MICAL3: variants seen among roughly 807,000 people sequenced by gnomAD.
The protein encoded by MICAL3 is microtubule associated monooxygenase, calponin and LIM domain containing 3.
Under a neutral mutation model 207.4 loss-of-function variants are expected in MICAL3, and 62 were observed. The observed-to-expected ratio is 0.30, with a 90% CI of 0.24 to 0.37. MICAL3 has a LOEUF of 0.37. Ranked by LOEUF, MICAL3 falls within the 10% of genes least tolerant of loss-of-function variation. The pLI, the probability that MICAL3 is intolerant of heterozygous loss-of-function variation, is 1.00. For synonymous variants in MICAL3, 1,077 were observed against 1,069.3 expected (o/e 1.01, Z -0.14); for missense variants, 2,368 against 2,635.6 (o/e 0.90, Z 2.22).
At chr22:17,877,685 G>A (rs934075764) in intron 16 of MICAL3, among the ~76,000 whole-genome samples, 15 of 152,124 alleles carry the variant, frequency 9.9e-5, no homozygotes, top group African/African-American at 3.4e-4. Context: ...ACTGAGGAGT[G>A]CAGAAACCAG....
intron 1 of MICAL3, chr22:17,983,671 A>G (rs1936027775): frequency 6.5e-6 from 1 of 152,802 alleles, no homozygotes; most frequent in South Asian, 2.1e-4. Flanking sequence ...CTTCTGGTCC[A>G]CGCCTCTTCT....
At position 18,015,422 on chromosome 22, in the gene MICAL3, C is replaced by CTTTT. The variant is rs34098867; in HGVS notation, c.-75+8855_-75+8858dup. ...TACAAATTTAAGATTTAAGACTCAT[C>CTTTT]TTTTTTTTTTTTTTTTTTTTGAGAT... On this transcript the variant is annotated intron_variant, in intron 1 of 31. Transcript: ENST00000441493. Among the ~76,000 whole-genome samples, 492 of 105,562 alleles carry CTTTT rather than the reference C, an allele frequency of 4.7e-3. 13 individuals are homozygous for CTTTT. The highest frequency in any genetic ancestry group is 5.4e-3 in the African/African-American group (148 of 27,334). The allele number at this position is 105,562 out of a possible 152,430, so 69.3% of individuals were successfully genotyped here.
intron 19 of MICAL3, among the ~76,000 whole-genome samples, chr22:17,849,117 G>T (rs1229698726): frequency 6.6e-6 from 1 of 152,206 alleles, no homozygotes; most frequent in Non-Finnish European, 1.5e-5. Flanking sequence ...TGAAGCAGGC[G>T]ATGAGGGATA....
chr22:17,966,124 C>T (rs1324675886), intron 1 of MICAL3, among the ~76,000 whole-genome samples: 1 of 152,214 alleles, frequency 6.6e-6, no homozygotes, highest in African/African-American at 2.4e-5. Context: ...AGACAGAACC[C>T]TCATCCTGCC....
At chr22:17,926,289 C>T (rs755086221) in intron 1 of MICAL3, among the ~76,000 whole-genome samples, 1 of 152,180 alleles carries the variant, frequency 6.6e-6, no homozygotes, top group African/African-American at 2.4e-5. Flanking sequence ...AACAGCCTGG[C>T]TTGGAAAAGG....
rs1032801717 is a variant in MICAL3 at position 17,886,107 on chromosome 22, C to A, written c.2068-56G>T. On this transcript the variant is annotated intron_variant, in intron 15 of 31. Transcript: ENST00000441493. ...GCTGTGACAGGAGGCTCCCCCCATGCCCCTCCCTCACAGAAGTGCACTCAG... is the reference window on the plus strand; with the variant it reads ...GCTGTGACAGGAGGCTCCCCCCATGACCCTCCCTCACAGAAGTGCACTCAG... 35 of 1,588,026 alleles carry A rather than the reference C, an allele frequency of 2.2e-5. 1 individual carries two copies. In the South Asian group the frequency reaches 3.8e-4, roughly 17 times the overall value.
chr22:17,864,816 G>C, intron 19 of MICAL3, 83 bp downstream of exon 19: 1 of 1,613,938 alleles, frequency 6.2e-7, no homozygotes, highest in Non-Finnish European at 8.5e-7. Context: ...TGTTGCTTTG[G>C]AGGTGCTGGC....
intron 1 of MICAL3, among the ~76,000 whole-genome samples, chr22:18,013,827 G>T (rs1035009687): frequency 6.6e-6 from 1 of 151,790 alleles, no homozygotes; most frequent in Non-Finnish European, 1.5e-5. Context: ...GAGAAACAAG[G>T]TCTTGCTATG....
chr22:17,968,462 G>C (rs1935252292), intron 1 of MICAL3, among the ~76,000 whole-genome samples: 1 of 152,148 alleles, frequency 6.6e-6, no homozygotes, highest in African/African-American at 2.4e-5. Flanking sequence ...TCAAACCGGA[G>C]ACCTCACCAG....
rs5992147 is a variant in MICAL3, at chr22:18,002,242, A to C, written c.-75+22039T>G. 2.3e-3 allele frequency among the ~76,000 whole-genome samples: 351 copies of C among 152,194 alleles called. 2 individuals carry two copies. The highest frequency in any genetic ancestry group is 7.3e-3 in the African/African-American group (302 of 41,522). ...TAAAGGAGACTTGTTTGTTGCTCTT[A>C]GTTGCCGCAAAATGAAACTAGGATT... On this transcript the variant is annotated intron_variant, in intron 1 of 31. Transcript: ENST00000441493.
chr22:17,837,503 C>T (rs142218257), intron 20 of MICAL3, among the ~76,000 whole-genome samples: 48 of 152,342 alleles, frequency 3.2e-4, no homozygotes, highest in Middle Eastern at 3.4e-3. Flanking sequence ...CTTTGCTGCC[C>T]GGGGCACATT....
At chr22:17,860,618 G>A (rs372839487) in intron 19 of MICAL3, 1 of 985,504 alleles carries the variant, frequency 1.0e-6, no homozygotes, top group Non-Finnish European at 1.2e-6. Context: ...CAAAAGATAG[G>A]AGTGGGCTCA....
intron 1 of MICAL3, among the ~76,000 whole-genome samples, chr22:17,967,473 CA>C (rs1438791031): frequency 1.6e-5 from 2 of 127,312 alleles, no homozygotes; most frequent in African/African-American, 6.0e-5. Flanking sequence ...AACACACACA[CA>C]CACACACACA....
intron 1 of MICAL3, among the ~76,000 whole-genome samples, chr22:17,986,968 G>A (rs1921086063): frequency 6.6e-6 from 1 of 152,076 alleles, no homozygotes; most frequent in South Asian, 2.1e-4. Context: ...GACTGGCGTG[G>A]TGGCTCACAT....
At chr22:17,823,806 G>A (rs898201032) in intron 22 of MICAL3, among the ~76,000 whole-genome samples, 1 of 152,118 alleles carries the variant, frequency 6.6e-6, no homozygotes, top group African/African-American at 2.4e-5. Flanking sequence ...AACATTTCAG[G>A]TAAGAAACAC....
chr22:17,861,919 G>T (rs1022965475), intron 19 of MICAL3: 1 of 985,230 alleles, frequency 1.0e-6, no homozygotes, highest in East Asian at 1.1e-4. Context: ...GTAATTGGGT[G>T]TGGGTGTGTT....
chr22:17,946,880 T>G (rs1246743820), intron 1 of MICAL3, among the ~76,000 whole-genome samples: 3 of 152,134 alleles, frequency 2.0e-5, no homozygotes, highest in Non-Finnish European at 4.4e-5. Flanking sequence ...GGAACACCCC[T>G]CCCTCTGCTC....
chr22:18,017,875 C>T (rs1602406996), intron 1 of MICAL3, among the ~76,000 whole-genome samples: 1 of 152,176 alleles, frequency 6.6e-6, no homozygotes, highest in African/African-American at 2.4e-5. Flanking sequence ...CTCGGCCTCC[C>T]GAGTAGCTGG....
At chr22:17,918,562 C>G (rs957303546) in intron 1 of MICAL3, among the ~76,000 whole-genome samples, 1 of 152,102 alleles carries the variant, frequency 6.6e-6, no homozygotes, top group Non-Finnish European at 1.5e-5. Context: ...CACACCTGGG[C>G]AAACGAGGGT....
Sources: gnomAD v4.1 joint callset for allele counts (sites outside exome capture counted in the v4.1 genomes callset) on GRCh38, gnomAD v4.1.1 for gene constraint, MANE v1.5 for transcripts, NCBI Gene and HGNC (gene_info 2026-07-23, HGNC 2026-07-21) for gene names.